PRKG1: variants seen among roughly 807,000 people sequenced by gnomAD.
PRKG1 encodes cGMP-dependent protein kinase 1.
A neutral mutation model predicts 88.1 loss-of-function variants in PRKG1; 35 were observed. The observed-to-expected ratio is 0.40, with a 90% confidence interval of 0.30 to 0.53. The LOEUF (loss-of-function observed/expected upper bound fraction) is 0.53. Ranked by LOEUF, PRKG1 falls within the 20% of genes least tolerant of loss-of-function variation. The probability of loss-of-function intolerance (pLI) is 0.59; values close to 1 mark genes in which losing one functional copy is unlikely to be tolerated. For missense variants in PRKG1, 540 were observed against 839.8 expected (o/e 0.64, Z 4.41); for synonymous variants, 303 against 292.5 (o/e 1.04, Z -0.37).
chr10:51,938,928 T>C (rs1842849413), intron 5 of PRKG1, among the ~76,000 whole-genome samples: 1 of 152,058 alleles, frequency 6.6e-6, no homozygotes, highest in African/African-American at 2.4e-5. Context: ...ATTTTATCAT[T>C]TGTATTATTT....
Position 51,600,306 on chromosome 10 carries a change from G to T in PRKG1, c.592+132470G>T, listed in dbSNP as rs2132224517. On this transcript the variant is annotated intron_variant, in intron 3 of 17. Coordinates refer to ENST00000373980, the MANE Select transcript of PRKG1 (RefSeq NM_006258.4). ...GTGGACTCTACTTTCTAACACTACT[G>T]ATTATGGCCTTCTTCATATCAAAGG... Among the ~76,000 whole-genome samples the T allele has an allele frequency of 2.0e-5, 3 of 152,260 alleles. 1 individual carries two copies. The highest frequency in any genetic ancestry group is 2.0e-4 in the Admixed American group (3 of 15,278).
chr10:52,084,735 A>C (rs1334365238), intron 7 of PRKG1, among the ~76,000 whole-genome samples: 2 of 152,070 alleles, frequency 1.3e-5, no homozygotes, highest in Non-Finnish European at 2.9e-5. Flanking sequence ...AATTTGACAT[A>C]GATATAATAG....
chr10:51,830,958 CT>C (rs113820484), intron 4 of PRKG1, among the ~76,000 whole-genome samples: 31,297 of 148,816 alleles, frequency 0.21, 5,118 homozygotes, highest in African/African-American at 0.46. Context: ...TGCTACCTTT[CT>C]TTTTTTTTTG....
chr10:51,702,344 C>A (rs1267430592), intron 3 of PRKG1, among the ~76,000 whole-genome samples: 1 of 152,192 alleles, frequency 6.6e-6, no homozygotes, highest in Non-Finnish European at 1.5e-5. Flanking sequence ...ATGCCCAGAA[C>A]ACATGAACTA....
chr10:52,248,912 T>C (rs575787446), intron 9 of PRKG1, among the ~76,000 whole-genome samples: 1 of 151,838 alleles, frequency 6.6e-6, no homozygotes, highest in Admixed American at 6.6e-5. Context: ...TCTCTTTTCT[T>C]TCCTTTCTTT....
At chr10:51,488,512 A>G (rs1372406105) in intron 3 of PRKG1, among the ~76,000 whole-genome samples, 1 of 152,146 alleles carries the variant, frequency 6.6e-6, no homozygotes, top group East Asian at 1.9e-4. Flanking sequence ...GGCTGATGGC[A>G]GCACTATAAA....
intron 2 of PRKG1, among the ~76,000 whole-genome samples, chr10:51,231,019 C>A (rs1394502554): frequency 6.6e-6 from 1 of 152,086 alleles, no homozygotes; most frequent in East Asian, 1.9e-4. Context: ...ACCATTAAGT[C>A]TGGAATTCAC....
Position 51,452,365 on chromosome 10 carries a change from T to C in PRKG1, c.479-15358T>C, listed in dbSNP as rs927492720. Among the ~76,000 whole-genome samples, 9 of 152,054 alleles carry C rather than the reference T, an allele frequency of 5.9e-5. 1 individual carries two copies. Among genetic ancestry groups the C allele is most frequent in the Admixed American group, 1.3e-4 (2 of 15,250 alleles). On this transcript the variant is annotated intron_variant, in intron 2 of 17. Transcript: ENST00000373980. ...AGTACAAGTGGGGATCCTTGTCTTT[T>C]TTCAGTTCTCAGGGGGAATGCTTTC...
At chr10:51,016,264 A>G (rs1232348315) in intron 1 of PRKG1, among the ~76,000 whole-genome samples, 2 of 152,208 alleles carry the variant, frequency 1.3e-5, no homozygotes, top group Admixed American at 6.5e-5. Flanking sequence ...GTTGCACTGT[A>G]TTAATTACTC....
intron 9 of PRKG1, among the ~76,000 whole-genome samples, chr10:52,171,249 G>A (rs570020124): frequency 3.3e-5 from 5 of 151,502 alleles, no homozygotes; most frequent in African/African-American, 1.2e-4. Flanking sequence ...GCAATTCTCA[G>A]GGAAATGATC....
chr10:52,020,226 T>C (rs907570081), intron 5 of PRKG1, among the ~76,000 whole-genome samples: 2 of 152,160 alleles, frequency 1.3e-5, no homozygotes, highest in Admixed American at 6.5e-5. Context: ...ATATTGTTCT[T>C]ATTTCTTGGT....
intron 3 of PRKG1, among the ~76,000 whole-genome samples, chr10:51,786,115 G>A (rs1684013103): frequency 6.6e-6 from 1 of 152,124 alleles, no homozygotes; most frequent in Non-Finnish European, 1.5e-5. Flanking sequence ...GAGATGTGAA[G>A]TATCAGAATG....
At chr10:51,322,616 A>G (rs945017587) in intron 2 of PRKG1, among the ~76,000 whole-genome samples, 1 of 152,226 alleles carries the variant, frequency 6.6e-6, no homozygotes, top group East Asian at 1.9e-4. Context: ...CCTATGTGCC[A>G]AGAAGTGTGC....
At chr10:51,779,754 G>C (rs756444418) in intron 3 of PRKG1, among the ~76,000 whole-genome samples, 6 of 151,984 alleles carry the variant, frequency 3.9e-5, no homozygotes, top group Non-Finnish European at 8.8e-5. Context: ...TTGTGACCTG[G>C]CTCTGCATTC....
At position 51,827,727 on chromosome 10, in the gene PRKG1, A is replaced by T. The variant is rs533753775; in HGVS notation, c.698+23037A>T. Among the ~76,000 whole-genome samples the T allele has an allele frequency of 1.6e-4, 24 of 152,266 alleles. No homozygotes were observed. In the East Asian group the frequency reaches 4.2e-3, roughly 27 times the overall value. On this transcript the variant is annotated intron_variant, in intron 4 of 17. Transcript: ENST00000373980. ...TGTCTTTCACTGCCCTTTACTTTCT[A>T]ACTGGAAAAATGCCATCTTATAGAA... is the stretch of plus-strand genomic sequence containing the variant.
chr10:51,125,741 T>A (rs1473547566), intron 1 of PRKG1, among the ~76,000 whole-genome samples: 1 of 146,370 alleles, frequency 6.8e-6, no homozygotes. Flanking sequence ...TATGTGTTTT[T>A]AAATATCTAC....
intron 9 of PRKG1, among the ~76,000 whole-genome samples, chr10:52,176,074 T>C (rs537360543): frequency 6.1e-4 from 93 of 152,162 alleles, no homozygotes; most frequent in Non-Finnish European, 1.2e-3. Flanking sequence ...TTTCCTAGGC[T>C]GATGTCTTGA....
At chr10:51,827,285 T>C (rs1406992913) in intron 4 of PRKG1, among the ~76,000 whole-genome samples, 1 of 152,168 alleles carries the variant, frequency 6.6e-6, no homozygotes, top group Non-Finnish European at 1.5e-5. Context: ...GAAAGAGTAT[T>C]ATTTATTTAT....
intron 2 of PRKG1, among the ~76,000 whole-genome samples, chr10:51,243,404 G>T (rs1339941917): frequency 6.6e-6 from 1 of 152,190 alleles, no homozygotes; most frequent in East Asian, 1.9e-4. Context: ...GAAGGCTCTT[G>T]CCCTGGTCAG....
Sources: gnomAD v4.1 joint callset for allele counts (sites outside exome capture counted in the v4.1 genomes callset) on GRCh38, gnomAD v4.1.1 for gene constraint, MANE v1.5 for transcripts, NCBI Gene and HGNC (gene_info 2026-07-23, HGNC 2026-07-21) for gene names.